ATP10B: variants seen among roughly 807,000 people sequenced by gnomAD.
The protein encoded by ATP10B is ATPase phospholipid transporting 10B (putative).
A neutral mutation model predicts 141.2 loss-of-function variants in ATP10B; 122 were observed. That is an observed-to-expected ratio of 0.86 (90% CI 0.75 to 1.00). The LOEUF is 1.00. Ranked by LOEUF, ATP10B falls within the 50% of genes least tolerant of loss-of-function variation. ATP10B has a pLI of 0.00. For synonymous variants in ATP10B, 685 were observed against 692.0 expected (o/e 0.99, Z 0.16); for missense variants, 1,876 against 1,825.3 (o/e 1.03, Z -0.51).
chr5:160,602,910 C>A (rs979241596), intron 20 of ATP10B: 7 of 536,258 alleles, frequency 1.3e-5, no homozygotes, highest in South Asian at 1.0e-4. Context: ...CCAAGGAGGG[C>A]AGATCAGAAG....
the ATP10B span, among the ~76,000 whole-genome samples, chr5:160,915,679 C>T: frequency 1.3e-5 from 2 of 152,016 alleles, no homozygotes; most frequent in African/African-American, 2.4e-5. Flanking sequence ...AGATTTGCCC[C>T]GTATGAGACA....
intron 1 of ATP10B, among the ~76,000 whole-genome samples, chr5:160,840,513 A>T (rs1775748889): frequency 6.6e-6 from 1 of 152,112 alleles, no homozygotes; most frequent in Admixed American, 6.6e-5. Context: ...TTTTTCACAA[A>T]TAGAAAAACA....
At chr5:160,755,686 G>A (rs1768479188) in intron 2 of ATP10B, among the ~76,000 whole-genome samples, 2 of 148,094 alleles carry the variant, frequency 1.4e-5, no homozygotes, top group Admixed American at 6.7e-5. Flanking sequence ...ATAGTGGCGG[G>A]CGCCTGTAGT....
the ATP10B span, among the ~76,000 whole-genome samples, chr5:160,871,132 C>A: frequency 6.6e-6 from 1 of 151,992 alleles, no homozygotes; most frequent in Non-Finnish European, 1.5e-5. Flanking sequence ...AAAGGAAGAA[C>A]ATCAAAGAAT....
At chr5:160,849,276 T>G (rs1372400213) in intron 1 of ATP10B, among the ~76,000 whole-genome samples, 2 of 152,154 alleles carry the variant, frequency 1.3e-5, no homozygotes, top group Non-Finnish European at 2.9e-5. Flanking sequence ...TGTTCCTGTG[T>G]CACTTCTTCA....
rs1181175240 is a variant in ATP10B, at chr5:160,597,598, G to A, written c.3564+1172C>T. 2.8e-4 allele frequency among the ~76,000 whole-genome samples: 43 copies of A among 151,990 alleles called. 1 individual carries two copies. The highest frequency in any genetic ancestry group is 9.4e-4 in the African/African-American group (39 of 41,510). On this transcript the variant is annotated intron_variant, in intron 22 of 25. Transcript: ENST00000327245. ...CACAGCAAAAGAAACTACCATCAGA[G>A]TGAACAGGCAACCTACAAAATGGGA... is the stretch of plus-strand genomic sequence containing the variant.
chr5:160,614,726 T>C (rs1037428122), intron 17 of ATP10B, among the ~76,000 whole-genome samples: 1 of 152,142 alleles, frequency 6.6e-6, no homozygotes, highest in African/African-American at 2.4e-5. Flanking sequence ...CATCACCACT[T>C]TACAGTGACC....
At chr5:160,846,296 T>C (rs1776114093) in intron 1 of ATP10B, among the ~76,000 whole-genome samples, 2 of 152,180 alleles carry the variant, frequency 1.3e-5, no homozygotes, top group South Asian at 2.1e-4. Flanking sequence ...TTGGGTATTG[T>C]CAAACTCACA....
intron 2 of ATP10B, among the ~76,000 whole-genome samples, chr5:160,721,781 CT>C (rs1264035329): frequency 6.6e-6 from 1 of 152,206 alleles, no homozygotes; most frequent in African/African-American, 2.4e-5. Context: ...TGACTGCTCT[CT>C]TGGCTCTTAG....
At chr5:160,898,925 C>G in the ATP10B span, among the ~76,000 whole-genome samples, 1 of 138,940 alleles carries the variant, frequency 7.2e-6, no homozygotes, top group African/African-American at 2.7e-5. Context: ...TGTTCTTACT[C>G]ATAAGTGGGG....
intron 24 of ATP10B, among the ~76,000 whole-genome samples, chr5:160,589,275 G>A (rs144666512): frequency 3.8e-4 from 58 of 152,254 alleles, no homozygotes; most frequent in African/African-American, 1.3e-3. Context: ...GCCTCCCAAA[G>A]TGCTGGGATT....
chr5:160,591,004 A>C, intron 23 of ATP10B, 55 bp downstream of exon 23: 1 of 1,452,188 alleles, frequency 6.9e-7, no homozygotes, highest in South Asian at 1.2e-5. Flanking sequence ...TTTATATAAA[A>C]AGGACCAGTT....
chr5:160,807,778 T>G (rs1380683173), intron 1 of ATP10B, among the ~76,000 whole-genome samples: 1 of 152,224 alleles, frequency 6.6e-6, no homozygotes, highest in Non-Finnish European at 1.5e-5. Flanking sequence ...GAATTTAATC[T>G]GAATGCTGTA....
Position 160,594,723 on chromosome 5 carries a change from G to A in ATP10B, c.3565-3584C>T, listed in dbSNP as rs568222588. Among the ~76,000 whole-genome samples the A allele has an allele frequency of 9.5e-3, 1,427 of 150,954 alleles. 23 individuals are homozygous for A. The highest frequency in any genetic ancestry group is 0.03 in the African/African-American group (1,244 of 41,164). On this transcript the variant is annotated intron_variant, in intron 22 of 25. Transcript: ENST00000327245. ...ACCAAGCAAATGGAAAACAAAAAAA[G>A]GCAGGGGTTGCAATCCTAGTCTCTG... is the stretch of plus-strand genomic sequence containing the variant.
chr5:160,635,929 A>G (rs1759333302), intron 11 of ATP10B, among the ~76,000 whole-genome samples: 1 of 152,196 alleles, frequency 6.6e-6, no homozygotes, highest in Non-Finnish European at 1.5e-5. Flanking sequence ...GTCATCTTAA[A>G]TAGAAAAGCT....
intron 2 of ATP10B, among the ~76,000 whole-genome samples, chr5:160,726,581 A>C (rs973915709): frequency 6.8e-6 from 1 of 147,848 alleles, no homozygotes; most frequent in African/African-American, 2.5e-5. Context: ...CAGCACACTG[A>C]AGTGACATCT....
chr5:160,605,414 G>C (rs905233605), intron 19 of ATP10B, among the ~76,000 whole-genome samples: 3 of 152,154 alleles, frequency 2.0e-5, no homozygotes, highest in Non-Finnish European at 4.4e-5. Context: ...AGTGAGCCAG[G>C]AGAAGTAGAG....
At chr5:160,686,506 T>C (rs1015487051) in intron 5 of ATP10B, among the ~76,000 whole-genome samples, 9 of 152,140 alleles carry the variant, frequency 5.9e-5, no homozygotes, top group African/African-American at 2.2e-4. Context: ...TAGTGGTGAT[T>C]TGTGAGATTT....
chr5:160,921,190 G>C, the ATP10B span, among the ~76,000 whole-genome samples: 1 of 151,572 alleles, frequency 6.6e-6, no homozygotes, highest in Non-Finnish European at 1.5e-5. Context: ...TCTTTCAGAG[G>C]GATCCTTGCA....
Sources: gnomAD v4.1 joint callset for allele counts (sites outside exome capture counted in the v4.1 genomes callset) on GRCh38, gnomAD v4.1.1 for gene constraint, MANE v1.5 for transcripts, NCBI Gene and HGNC (gene_info 2026-07-23, HGNC 2026-07-21) for gene names.